ITPR2: variants seen among roughly 807,000 people sequenced by gnomAD.
ITPR2 encodes the protein inositol 1,4,5-trisphosphate-gated calcium channel ITPR2.
Under a neutral mutation model 317.1 loss-of-function variants are expected in ITPR2, and 207 were observed. The ratio of observed to expected loss-of-function variants is 0.65; its 90% CI spans 0.58 to 0.73. The LOEUF is 0.73. Ranked by LOEUF, ITPR2 falls within the 30% of genes least tolerant of loss-of-function variation. The pLI is 0.00. For synonymous variants in ITPR2, 1,156 were observed against 1,149.1 expected (o/e 1.01, Z -0.12); for missense variants, 2,613 against 3,284.0 (o/e 0.80, Z 4.99).
At chr12:26,715,080 G>A (rs891924195) in intron 8 of ITPR2, among the ~76,000 whole-genome samples, 3 of 152,114 alleles carry the variant, frequency 2.0e-5, no homozygotes, top group Non-Finnish European at 4.4e-5. Context: ...GACAGAGAAG[G>A]AGAGAGAGAA....
At chr12:26,680,933 A>G (rs958511608) in intron 13 of ITPR2, among the ~76,000 whole-genome samples, 2 of 152,220 alleles carry the variant, frequency 1.3e-5, no homozygotes, top group East Asian at 3.9e-4. Context: ...TGCTTCTTTA[A>G]TTTTGCTAGT....
At chr12:26,830,802 G>A (rs1179884721) in intron 1 of ITPR2, among the ~76,000 whole-genome samples, 1 of 152,080 alleles carries the variant, frequency 6.6e-6, no homozygotes, top group East Asian at 1.9e-4. Flanking sequence ...CGTCACCAAG[G>A]CAATGATAAT....
intron 26 of ITPR2, among the ~76,000 whole-genome samples, chr12:26,611,391 G>T (rs894653163): frequency 4.6e-5 from 7 of 152,126 alleles, no homozygotes; most frequent in African/African-American, 1.2e-4. Context: ...ATCTAGAATA[G>T]ATGGATATGA....
chr12:26,461,719 T>A, intron 45 of ITPR2, among the ~76,000 whole-genome samples: 1 of 140,450 alleles, frequency 7.1e-6, no homozygotes, highest in South Asian at 2.3e-4. Context: ...CACACACACA[T>A]ACATATAAAG....
intron 54 of ITPR2, among the ~76,000 whole-genome samples, chr12:26,389,884 T>A (rs1272118645): frequency 6.6e-6 from 1 of 152,208 alleles, no homozygotes; most frequent in Non-Finnish European, 1.5e-5. Flanking sequence ...GCAACTTGGA[T>A]AAAAATTTAT....
chr12:26,509,228 A>C (rs1943266489), intron 37 of ITPR2, among the ~76,000 whole-genome samples: 1 of 152,192 alleles, frequency 6.6e-6, no homozygotes, highest in East Asian at 1.9e-4. Context: ...TAGATAGCCA[A>C]GGGCTGGGGC....
intron 30 of ITPR2, among the ~76,000 whole-genome samples, chr12:26,597,942 C>T (rs1945891965): frequency 6.6e-6 from 1 of 152,132 alleles, no homozygotes; most frequent in Admixed American, 6.5e-5. Context: ...TAAGCCGATT[C>T]ATTGGCTTAC....
At chr12:26,594,856 T>C (rs188353602) in intron 32 of ITPR2, among the ~76,000 whole-genome samples, 18 of 152,286 alleles carry the variant, frequency 1.2e-4, no homozygotes, top group African/African-American at 3.9e-4. Context: ...CAAAAACATA[T>C]GTCAGGCAGT....
intron 23 of ITPR2, among the ~76,000 whole-genome samples, chr12:26,625,380 C>G (rs1946598814): frequency 1.3e-5 from 2 of 151,484 alleles, no homozygotes; most frequent in Admixed American, 6.6e-5. Context: ...TGATGCATAC[C>G]TCATTTATCC....
At chr12:26,360,499 T>C (rs1372690387) in intron 55 of ITPR2, among the ~76,000 whole-genome samples, 1 of 152,216 alleles carries the variant, frequency 6.6e-6, no homozygotes, top group African/African-American at 2.4e-5. Context: ...GCTTGAAAAT[T>C]AGATTACAGG....
chr12:26,769,027 C>CACACACA (rs55797555), intron 2 of ITPR2, among the ~76,000 whole-genome samples: 8,856 of 112,068 alleles, frequency 0.079, 368 homozygotes, highest in Non-Finnish European at 0.097. Context: ...ACACACACAC[C>CACACACA]CCAATCTCAG....
chr12:26,832,332 G>A (rs969639644), intron 1 of ITPR2, among the ~76,000 whole-genome samples: 45 of 152,220 alleles, frequency 3.0e-4, no homozygotes, highest in Admixed American at 2.0e-4. Flanking sequence ...GAAAAGGGGG[G>A]TGTTTTGTTT....
At chr12:26,567,963 TATATATTATATATATTATATATATA>T (rs371220724) in intron 34 of ITPR2, among the ~76,000 whole-genome samples, 8 of 18,926 alleles carry the variant, frequency 4.2e-4, no homozygotes, top group African/African-American at 1.0e-3. Flanking sequence ...TATATATATA[TATATATTATATATATTATATATATA>T]TATATATATT....
At chr12:26,499,114 T>C (rs1383754677) in intron 37 of ITPR2, among the ~76,000 whole-genome samples, 1 of 152,230 alleles carries the variant, frequency 6.6e-6, no homozygotes, top group Admixed American at 6.5e-5. Flanking sequence ...CTTTTTAAAA[T>C]GCCGTTTATA....
At chr12:26,679,395 T>C (rs2136956691) in intron 13 of ITPR2, among the ~76,000 whole-genome samples, 1 of 152,306 alleles carries the variant, frequency 6.6e-6, no homozygotes, top group South Asian at 2.1e-4. Context: ...TAAAAGGTTT[T>C]AAAACATATA....
chr12:26,348,605 G>C (rs967908895), intron 55 of ITPR2, among the ~76,000 whole-genome samples: 1 of 152,224 alleles, frequency 6.6e-6, no homozygotes, highest in East Asian at 1.9e-4. Context: ...ATTCATGAGG[G>C]AGGAAGGATG....
Position 26,486,391 on chromosome 12 carries a change from G to A in ITPR2, c.5555-31C>T, listed in dbSNP as rs747434449. On this transcript the variant is annotated intron_variant, in intron 40 of 56. Transcript: ENST00000381340. ...AACAAAGCAGTACTTTTATATTTCT[G>A]AACCAATTTGCTTTTACTAATTAAA... is the stretch of plus-strand genomic sequence containing the variant. 3.9e-5 allele frequency: 58 copies of A among 1,485,202 alleles called. No homozygotes were observed. The South Asian group carries it at 5.3e-4, about 14-fold the overall frequency. The allele number at this position is 1,485,202 out of a possible 1,614,324, so 92.0% of individuals were successfully genotyped here. A position where few individuals can be genotyped will look rare whatever the true frequency, so the allele number is the denominator to read the frequency against.
intron 45 of ITPR2, among the ~76,000 whole-genome samples, chr12:26,453,850 C>T (rs7968336): frequency 0.98 from 149,936 of 152,342 alleles, 73,827 homozygotes; most frequent in East Asian, 1. Flanking sequence ...AGATAATATG[C>T]GAGTATGAAA....
At chr12:26,505,715 C>G (rs1415308588) in intron 37 of ITPR2, among the ~76,000 whole-genome samples, 1 of 152,016 alleles carries the variant, frequency 6.6e-6, no homozygotes, top group Non-Finnish European at 1.5e-5. Flanking sequence ...TTTTGGCTGA[C>G]CATTGATTCC....
Sources: gnomAD v4.1 joint callset for allele counts (sites outside exome capture counted in the v4.1 genomes callset) on GRCh38, gnomAD v4.1.1 for gene constraint, MANE v1.5 for transcripts, NCBI Gene and HGNC (gene_info 2026-07-23, HGNC 2026-07-21) for gene names.